Variants in ZDHHC11B observed in about 807,000 individuals in gnomAD.
ZDHHC11B encodes zDHHC palmitoyltransferase 11B (putative), also known as probable palmitoyltransferase ZDHHC11B.
Under a neutral mutation model 42.3 loss-of-function variants are expected in ZDHHC11B, and 17 were observed. That is an observed-to-expected ratio of 0.40 (90% CI 0.27 to 0.60). The LOEUF (loss-of-function observed/expected upper bound fraction) is 0.60, where lower values mean the gene tolerates loss of function less well. Ranked by LOEUF, ZDHHC11B falls within the 20% of genes least tolerant of loss-of-function variation. ZDHHC11B has a pLI of 0.41. For synonymous variants in ZDHHC11B, 123 were observed against 193.5 expected (o/e 0.64, Z 3.02); for missense variants, 262 against 463.2 (o/e 0.57, Z 3.99).
intron 12 of ZDHHC11B, among the ~76,000 whole-genome samples, chr5:717,207 C>G (rs1327133355): frequency 6.6e-6 from 1 of 151,550 alleles, no homozygotes; most frequent in Non-Finnish European, 1.5e-5. Context: ...AGGAGGTCAG[C>G]TCATGCCTGG....
In ZDHHC11B at chr5:756,553, CG is replaced by C. The variant is rs1468453278; in HGVS notation, c.223-410del. Among the ~76,000 whole-genome samples the C allele has an allele frequency of 1.3e-5, 2 of 151,676 alleles. 1 individual carries two copies. Among genetic ancestry groups the C allele is most frequent in the Non-Finnish European group, 2.9e-5 (2 of 67,862 alleles). On this transcript the variant is annotated intron_variant, in intron 4 of 13. Coordinates refer to ENST00000508859, the MANE Select transcript of ZDHHC11B (RefSeq NM_001351303.2). ...AGGGCAAATCCCCCACAGAATGTAC[CG>C]CACCCCCAGAGGCTCAGTCAGCCCA...
chr5:748,134 C>T lies in ZDHHC11B; in HGVS notation c.784+270G>A, dbSNP rs188856504. The T allele has an allele frequency of 3.3e-4, 182 of 550,532 alleles. 15 individuals carry two copies. Among genetic ancestry groups the T allele is most frequent in the African/African-American group, 2.8e-3 (150 of 54,344 alleles). 34.1% of individuals were successfully genotyped at this position (550,532 alleles called of 1,614,324 possible). A position where few individuals can be genotyped will look rare whatever the true frequency, so the allele number is the denominator to read the frequency against. On this transcript the variant is annotated intron_variant, in intron 8 of 13. Transcript: ENST00000508859. ...ACTTGTTACTTCAAGCACCCGGCAG[C>T]GCTCCTGCAGGTCTCAGCGTTGAGT...
chr5:749,587 C>T (rs1403097567), intron 7 of ZDHHC11B, among the ~76,000 whole-genome samples: 1 of 130,254 alleles, frequency 7.7e-6, no homozygotes, highest in African/African-American at 2.5e-5. Context: ...AGCTGCTTTG[C>T]TCAGGGCCTT....
At chr5:767,064 G>A (rs1363734588) in intron 3 of ZDHHC11B, 145 bp from the exon 4 acceptor site, 38 of 1,068,424 alleles carry the variant, frequency 3.6e-5, no homozygotes, top group Admixed American at 9.5e-5. Flanking sequence ...CTGGGGCCAC[G>A]TTCCCCGCAG....
intron 9 of ZDHHC11B, among the ~76,000 whole-genome samples, chr5:742,948 G>A (rs1373549246): frequency 1.3e-5 from 2 of 149,764 alleles, no homozygotes; most frequent in East Asian, 4.1e-4. Context: ...CTTGTTTCTA[G>A]AAGTGTTCTA....
chr5:777,639 T>A lies in ZDHHC11B; in HGVS notation c.-230+7029A>T, dbSNP rs1736635736. On this transcript the variant is annotated intron_variant, in intron 1 of 13. Coordinates refer to ENST00000508859, the MANE Select transcript of ZDHHC11B (RefSeq NM_001351303.2). ...TTGGCCCATTGTACAGGGAGCTAAT[T>A]GGTCCGTTTTACAGAGCGTTGATTG... Among the ~76,000 whole-genome samples the A allele has an allele frequency of 3.9e-5, 6 of 152,052 alleles. 1 individual carries two copies. Among genetic ancestry groups the A allele is most frequent in the Admixed American group, 3.3e-4 (5 of 15,248 alleles).
rs141475080 is a variant in ZDHHC11B at position 775,269 on chromosome 5, C to T, written c.-229-6339G>A. On this transcript the variant is annotated intron_variant, in intron 1 of 13. Coordinates refer to ENST00000508859, the MANE Select transcript of ZDHHC11B (RefSeq NM_001351303.2). ...CACCAGCAGCTTCTCCAGCTGCACC[C>T]GCTGACCCCCAGAGCTCGCTCCCAG... 6.3e-3 allele frequency among the ~76,000 whole-genome samples: 956 copies of T among 151,934 alleles called. 26 individuals are homozygous for T. The highest frequency in any genetic ancestry group is 0.013 in the South Asian group (62 of 4,792).
intron 9 of ZDHHC11B, among the ~76,000 whole-genome samples, chr5:744,427 C>T (rs1279485260): frequency 6.7e-6 from 1 of 149,010 alleles, no homozygotes. Context: ...ATGAAGACTA[C>T]AGGGCCTGGG....
intron 1 of ZDHHC11B, among the ~76,000 whole-genome samples, chr5:775,201 G>C (rs1251777780): frequency 1.3e-5 from 2 of 151,964 alleles, no homozygotes; most frequent in Non-Finnish European, 1.5e-5. Flanking sequence ...GCTGGACCAG[G>C]CCAGGGCGTG....
At chr5:778,336 G>A (rs1420962157) in intron 1 of ZDHHC11B, among the ~76,000 whole-genome samples, 2 of 151,336 alleles carry the variant, frequency 1.3e-5, no homozygotes. Context: ...TCCATTAAAG[G>A]CACCTTCTGT....
intron 4 of ZDHHC11B, among the ~76,000 whole-genome samples, chr5:758,929 C>A (rs199602329): frequency 2.0e-5 from 3 of 151,864 alleles, no homozygotes; most frequent in Non-Finnish European, 4.4e-5. Flanking sequence ...ACTGACCCAG[C>A]TAGCCACTCT....
chr5:715,787 C>A (rs1485274861), intron 13 of ZDHHC11B, among the ~76,000 whole-genome samples: 3 of 151,460 alleles, frequency 2.0e-5, no homozygotes, highest in African/African-American at 7.3e-5. Context: ...ATGAGTCCTG[C>A]CCTCTTGTCC....
intron 6 of ZDHHC11B, 97 bp from the exon 7 acceptor site, chr5:751,354 C>T (rs868534231): frequency 4.6e-5 from 2 of 43,332 alleles, no homozygotes; most frequent in Admixed American, 4.1e-4. Flanking sequence ...GGGGTGTGCA[C>T]AGGGTGGGCA....
chr5:774,112 G>A lies in ZDHHC11B; in HGVS notation c.-229-5182C>T, dbSNP rs1221895281. ...TAGGCGGGGCTTCGTCCCAGACACC[G>A]CAGGCCACCTTGGCCCCAACCCCAC... On this transcript the variant is annotated intron_variant, in intron 1 of 13. Transcript: ENST00000508859. 5.9e-5 allele frequency among the ~76,000 whole-genome samples: 9 copies of A among 151,912 alleles called. 1 individual carries two copies. The highest frequency in any genetic ancestry group is 6.4e-3 in the Middle Eastern group (2 of 314).
intron 1 of ZDHHC11B, among the ~76,000 whole-genome samples, chr5:783,209 T>G (rs1359647746): frequency 6.6e-6 from 1 of 152,226 alleles, no homozygotes; most frequent in Non-Finnish European, 1.5e-5. Flanking sequence ...GCTCGCCTTC[T>G]GCAGCCGCTC....
chr5:745,623 G>A (rs1744708381), intron 8 of ZDHHC11B, among the ~76,000 whole-genome samples: 1 of 150,040 alleles, frequency 6.7e-6, no homozygotes, highest in African/African-American at 2.4e-5. Context: ...ACAGACCTGG[G>A]TCCCCTATAC....
intron 1 of ZDHHC11B, among the ~76,000 whole-genome samples, chr5:777,463 C>A (rs76536213): frequency 1.1e-5 from 1 of 93,784 alleles, no homozygotes; most frequent in South Asian, 4.5e-4. Context: ...CTCACAAAAG[C>A]GGCGCGCACC....
chr5:735,995 C>T (rs569414701), intron 10 of ZDHHC11B, among the ~76,000 whole-genome samples: 3 of 149,770 alleles, frequency 2.0e-5, no homozygotes, highest in East Asian at 2.0e-4. Context: ...TGTAAATGGC[C>T]TATAAGCACC....
intron 1 of ZDHHC11B, among the ~76,000 whole-genome samples, chr5:776,380 G>A (rs1707884041): frequency 6.6e-6 from 1 of 151,868 alleles, no homozygotes; most frequent in Admixed American, 6.6e-5. Flanking sequence ...GACTGAGGGA[G>A]TGGAGGGGAT....
Sources: allele counts gnomAD v4.1 joint callset (sites outside exome capture counted in the v4.1 genomes callset), GRCh38; gene constraint gnomAD v4.1.1; transcripts MANE v1.5; gene names NCBI Gene and HGNC (gene_info 2026-07-23, HGNC 2026-07-21).